Variants in RTL4 observed in about 807,000 individuals in gnomAD.
RTL4 encodes the protein retrotransposon Gag-like protein 4.
A neutral mutation model predicts 5.3 loss-of-function variants in RTL4; 4 were observed. The ratio of observed to expected loss-of-function variants is 0.75; its 90% CI spans 0.37 to 1.72. The LOEUF is 1.72. Among genes scored for constraint, RTL4 ranks in the 40% most tolerant of loss-of-function variants. The pLI, the probability that RTL4 is intolerant of heterozygous loss-of-function variation, is 0.04. For missense variants in RTL4, 260 were observed against 227.1 expected (o/e 1.14, Z -0.93); for synonymous variants, 98 against 87.3 (o/e 1.12, Z -0.68).
the RTL4 span, among the ~76,000 whole-genome samples, chrX:112,207,714 G>C: frequency 9.2e-6 from 1 of 108,196 alleles, no homozygotes; most frequent in Non-Finnish European, 1.9e-5. Context: ...AATTGCTCTG[G>C]TGAAGCGGGA....
the RTL4 span, among the ~76,000 whole-genome samples, chrX:112,269,957 T>A: frequency 4.4e-5 from 5 of 112,504 alleles, no homozygotes; most frequent in Non-Finnish European, 5.6e-5. Flanking sequence ...TGTTCATAGC[T>A]TTGTGGCATA....
chrX:112,222,752 A>C, the RTL4 span, among the ~76,000 whole-genome samples: 1 of 111,306 alleles, frequency 9.0e-6, no homozygotes, highest in Non-Finnish European at 1.9e-5. Flanking sequence ...AAAAAAAAAG[A>C]TATTCCTTTC....
At chrX:112,186,763 G>C in the RTL4 span, among the ~76,000 whole-genome samples, 6 of 111,970 alleles carry the variant, frequency 5.4e-5, no homozygotes, top group African/African-American at 1.9e-4. Context: ...GTCGAACTGT[G>C]GGGTAGTCTC....
the RTL4 span, among the ~76,000 whole-genome samples, chrX:112,087,459 T>G: frequency 9.1e-6 from 1 of 110,014 alleles, no homozygotes; most frequent in Non-Finnish European, 1.9e-5. Flanking sequence ...TCACCCCAAC[T>G]GCAGATCATG....
the RTL4 span, among the ~76,000 whole-genome samples, chrX:112,147,725 C>T: frequency 1.5e-4 from 17 of 111,848 alleles, no homozygotes; most frequent in Non-Finnish European, 3.0e-4. Context: ...GATCACTTGA[C>T]GTCACGAGTT....
chrX:112,098,066 G>A, the RTL4 span, among the ~76,000 whole-genome samples: 8 of 109,933 alleles, frequency 7.3e-5, no homozygotes, highest in African/African-American at 1.0e-4. Context: ...ACATTAACTC[G>A]CCATTTAACA....
chrX:112,340,686 G>T, the RTL4 span, among the ~76,000 whole-genome samples: 9 of 109,471 alleles, frequency 8.2e-5, no homozygotes, highest in African/African-American at 3.0e-4. Flanking sequence ...AATTCACAGA[G>T]CATTTTTCCT....
the RTL4 span, among the ~76,000 whole-genome samples, chrX:112,312,774 A>C: frequency 9.0e-6 from 1 of 111,195 alleles, no homozygotes; most frequent in Non-Finnish European, 1.9e-5. Flanking sequence ...AGTATGTTCC[A>C]AACACCACAG....
At chrX:112,369,082 A>G in the RTL4 span, among the ~76,000 whole-genome samples, 1,223 of 112,499 alleles carry the variant, frequency 0.011, 15 homozygotes, top group African/African-American at 0.03. Flanking sequence ...ATGTACCTAC[A>G]TACACTTTGT....
the RTL4 span, chrX:112,381,343 G>A: frequency 8.3e-7 from 1 of 1,207,387 alleles, no homozygotes; most frequent in African/African-American, 1.8e-5. Flanking sequence ...TCAAGCCAGA[G>A]AAGCTAACAA....
At chrX:112,101,235 T>G in the RTL4 span, among the ~76,000 whole-genome samples, 5 of 111,436 alleles carry the variant, frequency 4.5e-5, no homozygotes, top group Non-Finnish European at 9.4e-5. Flanking sequence ...CAAAGGGAAA[T>G]AAATGAAATC....
the RTL4 span, among the ~76,000 whole-genome samples, chrX:112,241,634 A>G: frequency 1.8e-5 from 2 of 111,645 alleles, no homozygotes; most frequent in African/African-American, 3.3e-5. Context: ...ATTTTCTCCC[A>G]TTCTGTAGGT....
At chrX:112,179,156 G>C in the RTL4 span, among the ~76,000 whole-genome samples, 37,277 of 110,022 alleles carry the variant, frequency 0.34, 5,437 homozygotes, top group African/African-American at 0.56. Flanking sequence ...GTGGCCCACA[G>C]TTCTTCATTC....
chrX:112,356,741 G>A, the RTL4 span, among the ~76,000 whole-genome samples: 5 of 110,973 alleles, frequency 4.5e-5, no homozygotes, highest in South Asian at 3.8e-4. Flanking sequence ...TTGCCATGGC[G>A]CCGACTCTGG....
At chrX:112,309,963 G>T in the RTL4 span, among the ~76,000 whole-genome samples, 2 of 104,485 alleles carry the variant, frequency 1.9e-5, no homozygotes, top group Non-Finnish European at 3.9e-5. Flanking sequence ...GCTGAGGTGG[G>T]AGGATTGCTT....
the RTL4 span, among the ~76,000 whole-genome samples, chrX:112,268,613 C>A: frequency 0.044 from 4,933 of 111,100 alleles, 254 homozygotes; most frequent in African/African-American, 0.15. Flanking sequence ...GCTCACCAGG[C>A]CCTGTACCAG....
the RTL4 span, among the ~76,000 whole-genome samples, chrX:112,107,890 A>G: frequency 2.7e-5 from 3 of 111,827 alleles, no homozygotes; most frequent in African/African-American, 9.7e-5. Context: ...GTTTCTTTAA[A>G]TAACCTTTCT....
At chrX:112,453,228 G>A (rs904588123), upstream of RTL4, among the ~76,000 whole-genome samples, 1 of 110,870 alleles carries the variant, frequency 9.0e-6, no homozygotes, top group African/African-American at 3.3e-5. Context: ...GGGAAATCAA[G>A]TCTTACATTT....
the RTL4 span, among the ~76,000 whole-genome samples, chrX:112,099,305 A>G: frequency 8.9e-6 from 1 of 111,836 alleles, no homozygotes. Context: ...CACTACATGC[A>G]TTAGTGCTAT....
Sources: allele counts gnomAD v4.1 joint callset (sites outside exome capture counted in the v4.1 genomes callset), GRCh38; gene constraint gnomAD v4.1.1; transcripts MANE v1.5; gene names NCBI Gene and HGNC (gene_info 2026-07-23, HGNC 2026-07-21).